The following RALYL variants were observed in gnomAD, a reference collection of about 807,000 sequenced individuals.
The protein encoded by RALYL is RALY RNA binding protein like.
Under a neutral mutation model 35.1 loss-of-function variants are expected in RALYL, and 29 were observed. The ratio of observed to expected loss-of-function variants is 0.83; its 90% confidence interval spans 0.61 to 1.13. The LOEUF is 1.13. RALYL is among the 50% of genes most tolerant of loss of function. RALYL has a pLI of 0.00. For missense variants in RALYL, 359 were observed against 360.4 expected (o/e 1.00, Z 0.03); for synonymous variants, 120 against 127.6 (o/e 0.94, Z 0.40).
At chr8:84,472,131 ATC>A (rs1266686694) in intron 1 of RALYL, among the ~76,000 whole-genome samples, 1 of 152,182 alleles carries the variant, frequency 6.6e-6, no homozygotes, top group Admixed American at 6.5e-5. Context: ...TCTGCTGCTT[ATC>A]TACTGACCAT....
intron 2 of RALYL, among the ~76,000 whole-genome samples, chr8:84,621,797 G>A (rs1291314621): frequency 6.6e-6 from 1 of 152,182 alleles, no homozygotes; most frequent in East Asian, 1.9e-4. Flanking sequence ...AATTCAGACA[G>A]ATTCTCAAGG....
rs1486733004 is a variant in RALYL, at chr8:84,204,706, C to T, written c.-24+20282C>T. On this transcript the variant is annotated intron_variant, in intron 1 of 8. Coordinates refer to ENST00000521268, the MANE Select transcript of RALYL (RefSeq NM_173848.7). ...CTAAATGTATCTACTTTGTGCATGC[C>T]ATATGTTCAACTGCTGTCTCCAATT... 5.9e-5 allele frequency among the ~76,000 whole-genome samples: 9 copies of T among 152,058 alleles called. No homozygotes were observed. The East Asian group carries it at 1.7e-3, about 29-fold the overall frequency.
rs557087622 is a variant in RALYL, at chr8:84,271,525, A to G, written c.-24+87101A>G. The stretch of plus-strand genomic sequence containing the variant: ...TCTATCCAGCAGTTACATTTCTAGT[A>G]TCTAGGTAAGATAAATGAAAACACA... On this transcript the variant is annotated intron_variant, in intron 1 of 8. Coordinates refer to ENST00000521268, the MANE Select transcript of RALYL (RefSeq NM_173848.7). Among the ~76,000 whole-genome samples, 106 of 151,274 alleles carry G rather than the reference A, an allele frequency of 7.0e-4. 1 individual carries two copies. Among genetic ancestry groups the G allele is most frequent in the African/African-American group, 2.6e-3 (105 of 41,148 alleles).
chr8:84,598,764 T>C (rs1815207181), intron 2 of RALYL, among the ~76,000 whole-genome samples: 1 of 152,184 alleles, frequency 6.6e-6, no homozygotes. Context: ...TTTTCTACTA[T>C]GAATAATGCT....
intron 4 of RALYL, among the ~76,000 whole-genome samples, chr8:84,843,968 C>G (rs189627275): frequency 1.6e-4 from 25 of 152,276 alleles, no homozygotes; most frequent in East Asian, 9.6e-4. Context: ...AAAATTAATT[C>G]AAGATGGATT....
intron 1 of RALYL, among the ~76,000 whole-genome samples, chr8:84,408,908 G>GAA (rs557186146): frequency 1.5e-4 from 23 of 150,356 alleles, no homozygotes; most frequent in African/African-American, 5.6e-4. Flanking sequence ...AACTATGTAA[G>GAA]AAAAAAAAAG....
At chr8:84,223,804 A>G (rs1450314460) in intron 1 of RALYL, among the ~76,000 whole-genome samples, 1 of 152,216 alleles carries the variant, frequency 6.6e-6, no homozygotes, top group Non-Finnish European at 1.5e-5. Context: ...TTTCTGAATG[A>G]GTAAATGAAT....
intron 1 of RALYL, among the ~76,000 whole-genome samples, chr8:84,366,467 T>C (rs1032183850): frequency 6.6e-6 from 1 of 151,762 alleles, no homozygotes; most frequent in African/African-American, 2.4e-5. Flanking sequence ...ATATCAGAGA[T>C]GGAAAAGGAT....
chr8:84,659,156 A>G (rs1055908587), intron 2 of RALYL, among the ~76,000 whole-genome samples: 10 of 152,186 alleles, frequency 6.6e-5, no homozygotes, highest in Non-Finnish European at 1.3e-4. Context: ...TTCTCCAGGA[A>G]ACAGACACTG....
At chr8:84,603,172 G>A (rs1816343258) in intron 2 of RALYL, among the ~76,000 whole-genome samples, 1 of 152,020 alleles carries the variant, frequency 6.6e-6, no homozygotes. Context: ...GAAGTTTCTA[G>A]AAGTGATCAG....
At chr8:84,839,058 T>C (rs1009012811) in intron 4 of RALYL, among the ~76,000 whole-genome samples, 2 of 152,114 alleles carry the variant, frequency 1.3e-5, no homozygotes, top group African/African-American at 4.8e-5. Flanking sequence ...AGAACATGGG[T>C]GATTTCTGCA....
intron 1 of RALYL, among the ~76,000 whole-genome samples, chr8:84,337,399 C>A (rs936965960): frequency 1.3e-5 from 2 of 150,270 alleles, no homozygotes; most frequent in East Asian, 2.0e-4. Context: ...TTTCAGATAT[C>A]TTTAAAGGAA....
intron 2 of RALYL, among the ~76,000 whole-genome samples, chr8:84,568,274 C>G (rs1240696921): frequency 6.9e-6 from 1 of 145,792 alleles, no homozygotes; most frequent in Non-Finnish European, 1.5e-5. Flanking sequence ...TGTTCAATTC[C>G]CACCTATGAG....
At chr8:84,388,208 T>C (rs536818328) in intron 1 of RALYL, among the ~76,000 whole-genome samples, 29 of 152,294 alleles carry the variant, frequency 1.9e-4, no homozygotes, top group African/African-American at 7.0e-4. Context: ...TTCCATGCTG[T>C]ATATGTGCCA....
At chr8:84,524,487 T>C (rs1378855433) in intron 1 of RALYL, among the ~76,000 whole-genome samples, 2 of 152,172 alleles carry the variant, frequency 1.3e-5, no homozygotes, top group East Asian at 1.9e-4. Flanking sequence ...ATAGGAACAC[T>C]TTTACACTGT....
chr8:84,809,091 G>C (rs989319936), intron 4 of RALYL, among the ~76,000 whole-genome samples: 1 of 152,094 alleles, frequency 6.6e-6, no homozygotes, highest in African/African-American at 2.4e-5. Flanking sequence ...CCAGTTTTCA[G>C]AGGGAATGCT....
At chr8:84,511,905 G>T (rs1190921490) in intron 1 of RALYL, among the ~76,000 whole-genome samples, 1 of 152,112 alleles carries the variant, frequency 6.6e-6, no homozygotes, top group Non-Finnish European at 1.5e-5. Context: ...GTATTCCATT[G>T]CGTATGTACA....
intron 4 of RALYL, among the ~76,000 whole-genome samples, chr8:84,835,379 A>T (rs926773616): frequency 6.6e-6 from 1 of 151,934 alleles, no homozygotes; most frequent in African/African-American, 2.4e-5. Flanking sequence ...TTAAGAATGA[A>T]CATATTGGCT....
chr8:84,251,109 A>C lies in RALYL; in HGVS notation c.-24+66685A>C, dbSNP rs191619116. Among the ~76,000 whole-genome samples the C allele has an allele frequency of 1.8e-3, 281 of 152,250 alleles. 2 individuals are homozygous for C. The highest frequency in any genetic ancestry group is 6.5e-3 in the African/African-American group (271 of 41,564). On this transcript the variant is annotated intron_variant, in intron 1 of 8. Transcript: ENST00000521268. ...AACATTTACAAGTTATTTTTGACTG[A>C]GAATGCCTTTTTTACTTCCTACACT...
Sources: allele counts gnomAD v4.1 joint callset (sites outside exome capture counted in the v4.1 genomes callset), GRCh38; gene constraint gnomAD v4.1.1; transcripts MANE v1.5; gene names NCBI Gene and HGNC (gene_info 2026-07-23, HGNC 2026-07-21).